Variants in TMEM232 observed in about 807,000 individuals in gnomAD.
TMEM232 encodes the protein transmembrane protein 232.
Under a neutral mutation model 78.8 loss-of-function variants are expected in TMEM232, and 80 were observed. That is an observed-to-expected ratio of 1.01 (90% CI 0.85 to 1.22). The LOEUF is 1.22. Ranked by LOEUF, TMEM232 falls within the 50% of genes most tolerant of loss-of-function variation. TMEM232 has a pLI of 0.00. For missense variants in TMEM232, 881 were observed against 742.2 expected (o/e 1.19, Z -2.17); for synonymous variants, 297 against 254.3 (o/e 1.17, Z -1.60).
intron 10 of TMEM232, among the ~76,000 whole-genome samples, chr5:110,581,753 A>G (rs1778232269): frequency 6.6e-6 from 1 of 151,994 alleles, no homozygotes. Flanking sequence ...AAATATTTGC[A>G]AAGTATGCAT....
At chr5:110,478,017 G>T (rs1282136869) in intron 12 of TMEM232, among the ~76,000 whole-genome samples, 1 of 151,844 alleles carries the variant, frequency 6.6e-6, no homozygotes, top group Non-Finnish European at 1.5e-5. Flanking sequence ...TATTATAGTG[G>T]AAAGGCATTC....
intron 12 of TMEM232, among the ~76,000 whole-genome samples, chr5:110,458,910 T>C (rs370655290): frequency 6.6e-6 from 1 of 152,196 alleles, no homozygotes; most frequent in East Asian, 1.9e-4. Flanking sequence ...GCACTTAATA[T>C]CCAACATTAT....
chr5:110,481,903 A>G (rs913036939), intron 12 of TMEM232, among the ~76,000 whole-genome samples: 4 of 152,308 alleles, frequency 2.6e-5, no homozygotes, highest in African/African-American at 9.6e-5. Flanking sequence ...ATAGGCTCTC[A>G]AAAAGAGACA....
At chr5:110,532,670 C>A (rs948927681) in intron 11 of TMEM232, among the ~76,000 whole-genome samples, 4 of 152,162 alleles carry the variant, frequency 2.6e-5, no homozygotes, top group African/African-American at 9.6e-5. Context: ...TATCTCATTG[C>A]TACCCTTCCC....
At chr5:110,573,161 T>A (rs1777159020) in intron 10 of TMEM232, among the ~76,000 whole-genome samples, 1 of 152,086 alleles carries the variant, frequency 6.6e-6, no homozygotes, top group African/African-American at 2.4e-5. Context: ...ATGCCTTTTC[T>A]TTTTATTAGT....
intron 12 of TMEM232, among the ~76,000 whole-genome samples, chr5:110,514,556 G>T: frequency 6.6e-6 from 1 of 151,922 alleles, no homozygotes; most frequent in East Asian, 1.9e-4. Flanking sequence ...AATTTTTAAA[G>T]ATCAGAAGCC....
intron 12 of TMEM232, among the ~76,000 whole-genome samples, chr5:110,429,626 A>ATAAAT (rs1469927072): frequency 6.6e-6 from 1 of 151,794 alleles, no homozygotes; most frequent in African/African-American, 2.4e-5. Context: ...GAAAACTAAA[A>ATAAAT]TAAATAACCA....
At chr5:110,403,319 G>A (rs1450800832) in intron 2 of TMEM232, among the ~76,000 whole-genome samples, 2 of 152,078 alleles carry the variant, frequency 1.3e-5, no homozygotes, top group Non-Finnish European at 2.9e-5. Flanking sequence ...CAATGTGAAT[G>A]GCTCTATTTA....
At chr5:110,682,186 A>C (rs186923927) in intron 1 of TMEM232, among the ~76,000 whole-genome samples, 3 of 152,350 alleles carry the variant, frequency 2.0e-5, no homozygotes, top group African/African-American at 7.2e-5. Flanking sequence ...AAAAGGAAAT[A>C]ATAGCTTTAA....
chr5:110,623,958 C>A (rs1399376084), intron 7 of TMEM232, among the ~76,000 whole-genome samples: 2 of 152,114 alleles, frequency 1.3e-5, no homozygotes, highest in Admixed American at 1.3e-4. Flanking sequence ...GACATTTTTG[C>A]CCCTTCTAAT....
At chr5:110,541,658 A>G (rs2149580725) in intron 11 of TMEM232, among the ~76,000 whole-genome samples, 1 of 152,184 alleles carries the variant, frequency 6.6e-6, no homozygotes, top group South Asian at 2.1e-4. Context: ...TTAGCTAAGC[A>G]TTGTCAGGAA....
chr5:110,559,555 C>G (rs1022625089), intron 11 of TMEM232, among the ~76,000 whole-genome samples: 1 of 152,014 alleles, frequency 6.6e-6, no homozygotes, highest in Non-Finnish European at 1.5e-5. Flanking sequence ...ATCAAAATGG[C>G]CGATAAGCAA....
At chr5:110,396,251 C>T (rs1407361370) in intron 3 of TMEM232, among the ~76,000 whole-genome samples, 1 of 152,116 alleles carries the variant, frequency 6.6e-6, no homozygotes, top group Non-Finnish European at 1.5e-5. Context: ...ATGGGGCAAA[C>T]CACCCTAATC....
At chr5:110,673,956 G>A (rs2032095448) in intron 1 of TMEM232, among the ~76,000 whole-genome samples, 1 of 121,214 alleles carries the variant, frequency 8.2e-6, no homozygotes, top group Non-Finnish European at 1.6e-5. Context: ...TCCTTACACT[G>A]AAACTTGTTA....
intron 3 of TMEM232, among the ~76,000 whole-genome samples, chr5:110,641,300 AT>A (rs201270960): frequency 0.01 from 1,526 of 151,918 alleles, 33 homozygotes; most frequent in African/African-American, 0.034. Context: ...AAGGGAATGC[AT>A]TTTTTTTATT....
rs1034686469 is a variant in TMEM232, at chr5:110,576,560, A to G, written c.1277-7935T>C. Among the ~76,000 whole-genome samples, 4 of 152,150 alleles carry G rather than the reference A, an allele frequency of 2.6e-5. No homozygotes were observed. In the South Asian group the frequency reaches 6.2e-4, roughly 24 times the overall value. ...AAATCTATATGGAATAACAACAAAA[A>G]AAGCCTGAATAGCCACGGCAATTCT... On this transcript the variant is annotated intron_variant, in intron 10 of 13. Coordinates refer to ENST00000455884, the MANE Select transcript of TMEM232 (RefSeq NM_001039763.4).
intron 12 of TMEM232, among the ~76,000 whole-genome samples, chr5:110,524,411 G>GAAAGAAAAGAAAAGA (rs202226775): frequency 3.4e-4 from 21 of 61,420 alleles, no homozygotes; most frequent in Non-Finnish European, 5.8e-4. Context: ...AAGAAAGAAA[G>GAAAGAAAAGAAAAGA]AAAGAAAAGA....
intron 12 of TMEM232, among the ~76,000 whole-genome samples, chr5:110,458,991 T>C (rs1761196529): frequency 6.6e-6 from 1 of 152,182 alleles, no homozygotes; most frequent in African/African-American, 2.4e-5. Context: ...CAAAAATTAA[T>C]GTCTTTATTA....
At chr5:110,543,064 CTTGTT>C (rs1773359500) in intron 11 of TMEM232, among the ~76,000 whole-genome samples, 1 of 152,062 alleles carries the variant, frequency 6.6e-6, no homozygotes, top group Admixed American at 6.6e-5. Flanking sequence ...TCATTCCTTC[CTTGTT>C]TTGTTTGTGC....
Sources: allele counts gnomAD v4.1 joint callset (sites outside exome capture counted in the v4.1 genomes callset), GRCh38; gene constraint gnomAD v4.1.1; transcripts MANE v1.5; gene names NCBI Gene and HGNC (gene_info 2026-07-23, HGNC 2026-07-21).